Variants in ZNF804A observed in about 807,000 individuals in gnomAD.
The protein encoded by ZNF804A is zinc finger protein 804A.
In ZNF804A, 2 loss-of-function variants were observed where a neutral mutation model predicts 16.5. The ratio of observed to expected loss-of-function variants is 0.12; its 90% CI spans 0.05 to 0.38. ZNF804A has a LOEUF of 0.38. Among genes scored for constraint, ZNF804A ranks in the 10% least tolerant of loss-of-function variants. The pLI is 0.99. For missense variants in ZNF804A, 1,473 were observed against 1,390.7 expected, an observed-to-expected ratio of 1.06 and a Z score of -0.94; for synonymous variants, 534 against 489.6, an observed-to-expected ratio of 1.09 and a Z score of -1.20.
At chr2:184,611,932 T>C (rs1484278194) in intron 1 of ZNF804A, among the ~76,000 whole-genome samples, 3 of 152,176 alleles carry the variant, frequency 2.0e-5, no homozygotes, top group African/African-American at 7.2e-5. Context: ...TGACATAGAG[T>C]TGATGACCAA....
chr2:184,765,944 CTT>C (rs1694118844), intron 1 of ZNF804A, among the ~76,000 whole-genome samples: 1 of 151,990 alleles, frequency 6.6e-6, no homozygotes, highest in Admixed American at 6.6e-5. Flanking sequence ...TGAAATATGA[CTT>C]TGAAAAAATC....
chr2:184,909,747 A>G (rs1248026943), intron 2 of ZNF804A, among the ~76,000 whole-genome samples: 1 of 151,574 alleles, frequency 6.6e-6, no homozygotes, highest in African/African-American at 2.4e-5. Flanking sequence ...CAGGGTCTGA[A>G]TAAGGAAAAA....
rs149320594 is a variant in ZNF804A at position 184,869,022 on chromosome 2, G to A, written c.255+2510G>A. Among the ~76,000 whole-genome samples the A allele has an allele frequency of 1.9e-4, 29 of 152,026 alleles. No individual in the cohort carries two copies. In the East Asian group the frequency reaches 3.3e-3, roughly 17 times the overall value. On this transcript the variant is annotated intron_variant, in intron 2 of 3. Coordinates refer to ENST00000302277, the MANE Select transcript of ZNF804A (RefSeq NM_194250.2). ...AATGCTCTAAAGTTTGAAACTCTTCGTGCGCTGAAATGCATGATGTTCAAA... is the reference window on the plus strand; with the variant it reads ...AATGCTCTAAAGTTTGAAACTCTTCATGCGCTGAAATGCATGATGTTCAAA...
chr2:184,848,161 C>A (rs1278014246), intron 1 of ZNF804A, among the ~76,000 whole-genome samples: 1 of 152,004 alleles, frequency 6.6e-6, no homozygotes, highest in Non-Finnish European at 1.5e-5. Flanking sequence ...TTTCTAGTGA[C>A]CAACTCCCAT....
chr2:184,701,228 T>C (rs1574169605), intron 1 of ZNF804A, among the ~76,000 whole-genome samples: 1 of 151,876 alleles, frequency 6.6e-6, no homozygotes, highest in South Asian at 2.1e-4. Context: ...TTATAGTAAA[T>C]AGACTACCAA....
At chr2:184,640,222 AAGGAGG>A (rs201280366) in intron 1 of ZNF804A, among the ~76,000 whole-genome samples, 3 of 151,474 alleles carry the variant, frequency 2.0e-5, no homozygotes, top group Non-Finnish European at 4.4e-5. Flanking sequence ...AACGAGGAAG[AAGGAGG>A]AGGAGGAGGA....
intron 1 of ZNF804A, among the ~76,000 whole-genome samples, chr2:184,695,868 C>T (rs1244501263): frequency 6.6e-6 from 1 of 152,110 alleles, no homozygotes; most frequent in Admixed American, 6.6e-5. Context: ...ATTGTATCCT[C>T]TGCTTATTAT....
intron 1 of ZNF804A, among the ~76,000 whole-genome samples, chr2:184,713,814 A>G (rs1693172126): frequency 6.6e-6 from 1 of 152,028 alleles, no homozygotes; most frequent in African/African-American, 2.4e-5. Flanking sequence ...TACTGAGTAC[A>G]AGGCAAAGAA....
intron 1 of ZNF804A, among the ~76,000 whole-genome samples, chr2:184,621,695 A>G (rs1691424520): frequency 6.6e-6 from 1 of 151,784 alleles, no homozygotes; most frequent in Non-Finnish European, 1.5e-5. Flanking sequence ...AGTGTGTAGT[A>G]TAATTTACTG....
intron 1 of ZNF804A, among the ~76,000 whole-genome samples, chr2:184,794,009 G>A (rs546127671): frequency 2.6e-5 from 4 of 152,184 alleles, no homozygotes; most frequent in Admixed American, 2.0e-4. Context: ...TTTTGCTATT[G>A]TGAATTGTGC....
intron 1 of ZNF804A, among the ~76,000 whole-genome samples, chr2:184,733,555 C>T (rs1384735295): frequency 6.6e-6 from 1 of 152,060 alleles, no homozygotes; most frequent in Admixed American, 6.6e-5. Flanking sequence ...GGGAAACTTC[C>T]TTCTGCTTTG....
chr2:184,714,790 C>A (rs1323872455), intron 1 of ZNF804A, among the ~76,000 whole-genome samples: 1 of 152,062 alleles, frequency 6.6e-6, no homozygotes, highest in East Asian at 1.9e-4. Context: ...ACAACAATAT[C>A]TAATTCATAG....
chr2:184,661,572 G>A (rs1486019565), intron 1 of ZNF804A, among the ~76,000 whole-genome samples: 1 of 152,116 alleles, frequency 6.6e-6, no homozygotes, highest in Non-Finnish European at 1.5e-5. Context: ...AATGCTGACT[G>A]GTCCAGCAGT....
chr2:184,736,539 A>G (rs1693616187), intron 1 of ZNF804A, among the ~76,000 whole-genome samples: 1 of 152,076 alleles, frequency 6.6e-6, no homozygotes, highest in Non-Finnish European at 1.5e-5. Flanking sequence ...AACGATGGGA[A>G]CACATGGACA....
rs201469286 is a variant in ZNF804A, at chr2:184,938,124, G to A, written c.2728G>A (p.Val910Ile). Residue 910 changes from valine (V) to isoleucine (I), a missense_variant, in exon 4 of 4, where the codon GTT (valine) becomes ATT (isoleucine). Physicochemically the swap from Val to Ile is conservative, Grantham distance 29. Transcript: ENST00000302277. ...METTSGELSD[V>I]SNDPTTSVCV... Reference sequence around the variant, plus strand: ...GACCACTTCTGGTGAATTGTCAGATGTTTCCAATGATCCCACCACATCTGT... The same window carrying A: ...GACCACTTCTGGTGAATTGTCAGATATTTCCAATGATCCCACCACATCTGT... 145 of 1,614,090 alleles carry A rather than the reference G, an allele frequency of 9.0e-5. No individual in the cohort carries two copies. The Middle Eastern group carries it at 1.8e-3, about 20-fold the overall frequency.
At chr2:184,703,976 T>C (rs1335335985) in intron 1 of ZNF804A, among the ~76,000 whole-genome samples, 4 of 152,126 alleles carry the variant, frequency 2.6e-5, no homozygotes, top group Non-Finnish European at 5.9e-5. Context: ...TAGGATAAAC[T>C]ACTTTGTTTT....
chr2:184,693,383 A>T (rs1463771961), intron 1 of ZNF804A, among the ~76,000 whole-genome samples: 1 of 152,212 alleles, frequency 6.6e-6, no homozygotes, highest in African/African-American at 2.4e-5. Flanking sequence ...TCAAATATTA[A>T]TAATATAATT....
At chr2:184,708,411 C>T (rs1343859581) in intron 1 of ZNF804A, among the ~76,000 whole-genome samples, 4 of 152,080 alleles carry the variant, frequency 2.6e-5, no homozygotes, top group Admixed American at 2.6e-4. Context: ...TATAAGGTTA[C>T]CCTAACCAAA....
At chr2:184,892,707 T>C (rs547924832) in intron 2 of ZNF804A, among the ~76,000 whole-genome samples, 27 of 152,186 alleles carry the variant, frequency 1.8e-4, no homozygotes, top group Non-Finnish European at 5.9e-5. Context: ...GGTCTGGAAC[T>C]CCTGATCTCA....
Sources: allele counts gnomAD v4.1 joint callset (sites outside exome capture counted in the v4.1 genomes callset), GRCh38; gene constraint gnomAD v4.1.1; transcripts MANE v1.5; gene names NCBI Gene and HGNC (gene_info 2026-07-23, HGNC 2026-07-21).